The following STIM1 variants were observed in gnomAD, a reference collection of about 807,000 sequenced individuals.
STIM1 encodes the protein stromal interaction molecule 1.
A neutral mutation model predicts 74.7 loss-of-function variants in STIM1; 25 were observed. The observed-to-expected ratio is 0.33, with a 90% CI of 0.24 to 0.47. STIM1 has a LOEUF of 0.47. Among genes scored for constraint, STIM1 ranks in the 20% least tolerant of loss-of-function variants. The probability of loss-of-function intolerance (pLI) is 1.00; values close to 1 mark genes in which losing one functional copy is unlikely to be tolerated. For missense variants in STIM1, 728 were observed against 920.8 expected (o/e 0.79, Z 2.71); for synonymous variants, 328 against 348.8 (o/e 0.94, Z 0.66).
chr11:3,898,591 A>G (rs1208187830), intron 1 of STIM1, among the ~76,000 whole-genome samples: 3 of 147,576 alleles, frequency 2.0e-5, no homozygotes, highest in Non-Finnish European at 4.5e-5. Flanking sequence ...GTCCTTGCCC[A>G]TGCCTATGTC....
At position 3,989,183 on chromosome 11, in the gene STIM1, C is replaced by T. The variant is rs748513547; in HGVS notation, c.270+21501C>T. The T allele has an allele frequency of 2.5e-4, 252 of 1,016,706 alleles. 1 individual carries two copies. In the Middle Eastern group the frequency reaches 9.1e-3, roughly 37 times the overall value. The allele number at this position is 1,016,706 out of a possible 1,614,324, so 63.0% of individuals were successfully genotyped here. A position where few individuals can be genotyped will look rare whatever the true frequency, so the allele number is the denominator to read the frequency against. On this transcript the variant is annotated intron_variant, in intron 2 of 12. Transcript: ENST00000526596. ...TATTCAGACTTGGCTTCCTTCTCTC[C>T]TGCCTCATCAGAGGCTGGACTCTCC...
chr11:4,028,533 C>T (rs748712190), intron 3 of STIM1, among the ~76,000 whole-genome samples: 57 of 151,388 alleles, frequency 3.8e-4, no homozygotes, highest in African/African-American at 1.3e-3. Context: ...GTCAGCCTCC[C>T]GAGTAGCTGG....
chr11:4,067,147 C>T (rs2094372521), intron 5 of STIM1, among the ~76,000 whole-genome samples: 1 of 152,226 alleles, frequency 6.6e-6, no homozygotes, highest in Non-Finnish European at 1.5e-5. Context: ...TTAGTAACCA[C>T]ACATTCTATC....
chr11:3,944,785 A>G (rs2093052224), intron 1 of STIM1, among the ~76,000 whole-genome samples: 3 of 152,130 alleles, frequency 2.0e-5, no homozygotes, highest in Admixed American at 1.3e-4. Context: ...AGGTGATGGT[A>G]CCCTAATCAG....
At chr11:4,020,025 T>G (rs1286360992) in intron 2 of STIM1, among the ~76,000 whole-genome samples, 1 of 152,190 alleles carries the variant, frequency 6.6e-6, no homozygotes, top group African/African-American at 2.4e-5. Context: ...AGATTCCATA[T>G]ATGAGTGAGA....
chr11:3,982,024 C>A (rs1207781550), intron 2 of STIM1, among the ~76,000 whole-genome samples: 1 of 151,312 alleles, frequency 6.6e-6, no homozygotes, highest in East Asian at 1.9e-4. Flanking sequence ...TTTTTCTTTT[C>A]TTTTCTTTCT....
chr11:3,895,944 G>T (rs553071261), intron 1 of STIM1, among the ~76,000 whole-genome samples: 21 of 135,580 alleles, frequency 1.5e-4, no homozygotes, highest in African/African-American at 5.9e-4. Flanking sequence ...TTGCTCTGTT[G>T]CCCAGGCTGG....
At chr11:3,980,674 CAACAACAAAAAA>C (rs1203335518) in intron 2 of STIM1, among the ~76,000 whole-genome samples, 2 of 148,154 alleles carry the variant, frequency 1.3e-5, no homozygotes, top group East Asian at 2.0e-4. Flanking sequence ...ACAACAACAA[CAACAACAAAAAA>C]AAACAAATAG....
intron 2 of STIM1, 59 bp from the exon 3 acceptor site, chr11:4,023,814 A>C (rs2093977656): frequency 1.5e-6 from 2 of 1,332,206 alleles, no homozygotes; most frequent in Non-Finnish European, 2.2e-6. Flanking sequence ...ACCTGTGTGG[A>C]GATCTTGACG....
chr11:3,950,290 C>T lies in STIM1; in HGVS notation c.140-17262C>T, dbSNP rs551967368. On this transcript the variant is annotated intron_variant, in intron 1 of 12. Coordinates refer to ENST00000526596, the MANE Select transcript of STIM1 (RefSeq NM_001382567.1). ...CTGGGATTACAGACATGCACCACCA[C>T]GCCTGGCTAATTTTTGTATTTTTAG... Among the ~76,000 whole-genome samples the T allele has an allele frequency of 6.6e-5, 10 of 151,840 alleles. No individual in the cohort carries two copies. In the East Asian group the frequency reaches 7.8e-4, roughly 12 times the overall value.
At chr11:3,926,371 A>G (rs1353041435) in intron 1 of STIM1, among the ~76,000 whole-genome samples, 1 of 152,222 alleles carries the variant, frequency 6.6e-6, no homozygotes, top group Non-Finnish European at 1.5e-5. Flanking sequence ...CAGTACAGTT[A>G]ACATTGGTAA....
chr11:4,056,944 T>TC (rs1176042569), intron 4 of STIM1, among the ~76,000 whole-genome samples: 1 of 152,238 alleles, frequency 6.6e-6, no homozygotes, highest in African/African-American at 2.4e-5. Context: ...CTGCTTTTTT[T>TC]CACTGCATCT....
intron 1 of STIM1, among the ~76,000 whole-genome samples, chr11:3,884,966 G>A (rs1044242144): frequency 6.6e-6 from 1 of 152,138 alleles, no homozygotes; most frequent in African/African-American, 2.4e-5. Flanking sequence ...GAGACAGAAA[G>A]TAGATTAGTG....
intron 1 of STIM1, among the ~76,000 whole-genome samples, chr11:3,925,359 C>T (rs2135539286): frequency 6.6e-6 from 1 of 152,338 alleles, no homozygotes; most frequent in Non-Finnish European, 1.5e-5. Flanking sequence ...TGTGCCACTG[C>T]ACTCCAGCCT....
chr11:3,992,613 AT>A (rs2093626988), intron 2 of STIM1, among the ~76,000 whole-genome samples: 1 of 152,092 alleles, frequency 6.6e-6, no homozygotes, highest in African/African-American at 2.4e-5. Context: ...GAAGTTTTAA[AT>A]TTTGATGAAG....
Position 4,091,980 on chromosome 11 carries a change from T to C in STIM1, c.*182T>C. On this transcript the variant is annotated 3_prime_UTR_variant, in exon 13 of 13. Transcript: ENST00000526596. ...GGGTCCTTCATTATTATTTATTAAC[T>C]GACCACCATGGCCTGCCTGCCCTGC... The C allele has an allele frequency of 1.2e-6, 1 of 828,198 alleles. No homozygotes were observed. The highest frequency in any genetic ancestry group is 1.9e-6 in the Non-Finnish European group (1 of 526,472). The allele number at this position is 828,198 out of a possible 1,614,324, so 51.3% of individuals were successfully genotyped here.
chr11:4,088,743 G>T, intron 12 of STIM1: 2 of 1,535,840 alleles, frequency 1.3e-6, no homozygotes, highest in Non-Finnish European at 1.7e-6. Flanking sequence ...AGTAAGGTCA[G>T]TAGCTTGGGA....
At chr11:3,885,787 G>A (rs2091682069) in intron 1 of STIM1, among the ~76,000 whole-genome samples, 1 of 152,098 alleles carries the variant, frequency 6.6e-6, no homozygotes, top group Admixed American at 6.5e-5. Flanking sequence ...GCAGGCATGA[G>A]CAACCACACC....
intron 2 of STIM1, among the ~76,000 whole-genome samples, chr11:3,995,801 C>A (rs1046397273): frequency 2.8e-5 from 4 of 142,780 alleles, no homozygotes; most frequent in African/African-American, 9.9e-5. Flanking sequence ...TGTGCTACTA[C>A]ACCTGGCTTC....
Sources: gnomAD v4.1 joint callset for allele counts (sites outside exome capture counted in the v4.1 genomes callset) on GRCh38, gnomAD v4.1.1 for gene constraint, MANE v1.5 for transcripts, NCBI Gene and HGNC (gene_info 2026-07-23, HGNC 2026-07-21) for gene names.